The following PATJ variants were observed in gnomAD, a reference collection of about 807,000 sequenced individuals.
The protein encoded by PATJ is inaD-like protein.
In PATJ, 190 loss-of-function variants were observed where a neutral mutation model predicts 224.9. The ratio of observed to expected loss-of-function variants is 0.84; its 90% CI spans 0.75 to 0.95. PATJ has a LOEUF of 0.95. Ranked by LOEUF, PATJ falls within the 40% of genes least tolerant of loss-of-function variation. The probability of loss-of-function intolerance (pLI) is 0.00; values close to 1 mark genes in which losing one functional copy is unlikely to be tolerated. For synonymous variants in PATJ, 769 were observed against 820.3 expected (o/e 0.94, Z 1.07); for missense variants, 2,121 against 2,270.3 (o/e 0.93, Z 1.34).
chr1:62,133,658 C>T (rs913378291), intron 41 of PATJ, among the ~76,000 whole-genome samples: 20 of 151,934 alleles, frequency 1.3e-4, no homozygotes, highest in African/African-American at 3.6e-4. Flanking sequence ...AATGGTGCTT[C>T]TCAAACTTTA....
intron 28 of PATJ, among the ~76,000 whole-genome samples, chr1:61,999,388 T>C (rs746427759): frequency 2.0e-5 from 3 of 152,188 alleles, no homozygotes; most frequent in Non-Finnish European, 4.4e-5. Flanking sequence ...TATTTGTATA[T>C]TTTCTGCCCC....
intron 29 of PATJ, among the ~76,000 whole-genome samples, chr1:62,024,457 A>G (rs1371933952): frequency 2.0e-5 from 3 of 152,126 alleles, no homozygotes; most frequent in African/African-American, 7.2e-5. Flanking sequence ...TCCATTCCTT[A>G]ATATAATACC....
chr1:61,993,862 G>A (rs919982459), intron 28 of PATJ, among the ~76,000 whole-genome samples: 7 of 152,136 alleles, frequency 4.6e-5, no homozygotes, highest in Admixed American at 1.3e-4. Flanking sequence ...CTAGAGTCTA[G>A]AAGAACTCTG....
intron 11 of PATJ, among the ~76,000 whole-genome samples, chr1:61,801,125 T>C (rs1056816319): frequency 1.3e-5 from 2 of 152,190 alleles, no homozygotes; most frequent in African/African-American, 4.8e-5. Context: ...AAATAGTGTA[T>C]CTAGTTCTAG....
chr1:61,960,817 G>A (rs1164629343), intron 27 of PATJ, among the ~76,000 whole-genome samples: 1 of 151,988 alleles, frequency 6.6e-6, no homozygotes, highest in Non-Finnish European at 1.5e-5. Context: ...TTTTCTCAGT[G>A]CTCTTGGCTT....
chr1:61,899,079 G>T (rs1439880066), intron 22 of PATJ, among the ~76,000 whole-genome samples: 1 of 152,128 alleles, frequency 6.6e-6, no homozygotes, highest in African/African-American at 2.4e-5. Flanking sequence ...GATAATATAA[G>T]TAACTGAAAA....
chr1:62,158,475 T>G (rs1368788496), intron 43 of PATJ, among the ~76,000 whole-genome samples: 2 of 148,306 alleles, frequency 1.3e-5, no homozygotes, highest in African/African-American at 4.9e-5. Context: ...ATCCCAGCAC[T>G]TTGGGAGGCC....
rs542512839 is a variant in PATJ at position 62,056,973 on chromosome 1, T to C, written c.4125+5915T>C. Among the ~76,000 whole-genome samples, 4 of 152,226 alleles carry C rather than the reference T, an allele frequency of 2.6e-5. No homozygotes were observed. The East Asian group carries it at 7.8e-4, about 30-fold the overall frequency. On this transcript the variant is annotated intron_variant, in intron 31 of 43. Transcript: ENST00000642238. ...ACCTGAGTAGCTGGGAATACAGGCATGCGCCACCAGGCCCGGCTAATTTTT... is the reference window on the plus strand; with the variant it reads ...ACCTGAGTAGCTGGGAATACAGGCACGCGCCACCAGGCCCGGCTAATTTTT...
rs1440000791 is a variant in PATJ, at chr1:61,875,092, G to T, written c.2836-151G>T. On this transcript the variant is annotated intron_variant, in intron 20 of 43. Coordinates refer to ENST00000642238, the MANE Select transcript of PATJ (RefSeq NM_001350145.3). ...CTTGCAGATATTGTTACCAGCATTT[G>T]TTACTGCTTACCACAGTATAAACCA... 9 of 442,518 alleles carry T rather than the reference G, an allele frequency of 2.0e-5. No individual in the cohort carries two copies. In the South Asian group the frequency reaches 4.5e-4, roughly 22 times the overall value. 27.4% of individuals were successfully genotyped at this position (442,518 alleles called of 1,614,324 possible).
chr1:61,938,130 G>A (rs535367625), intron 27 of PATJ, among the ~76,000 whole-genome samples: 11 of 152,210 alleles, frequency 7.2e-5, no homozygotes, highest in Admixed American at 2.0e-4. Flanking sequence ...CAGCATCCCA[G>A]GCCTTTTCCC....
chr1:62,019,113 C>T (rs182839355), intron 29 of PATJ, among the ~76,000 whole-genome samples: 63 of 151,922 alleles, frequency 4.1e-4, no homozygotes, highest in Admixed American at 1.5e-3. Flanking sequence ...GGTGTGATGG[C>T]GCACAACTCT....
chr1:61,755,806 C>A (rs1318437605), intron 1 of PATJ, among the ~76,000 whole-genome samples: 1 of 152,076 alleles, frequency 6.6e-6, no homozygotes, highest in Admixed American at 6.6e-5. Flanking sequence ...GGCCACGTGT[C>A]TTTTTATTAT....
At chr1:61,863,359 C>A (rs980374253) in intron 19 of PATJ, among the ~76,000 whole-genome samples, 2 of 152,048 alleles carry the variant, frequency 1.3e-5, no homozygotes, top group African/African-American at 4.8e-5. Context: ...TTAAAAGCTT[C>A]ACTACAATGA....
intron 1 of PATJ, among the ~76,000 whole-genome samples, chr1:61,762,628 A>G (rs994764485): frequency 6.6e-6 from 1 of 152,190 alleles, no homozygotes; most frequent in African/African-American, 2.4e-5. Flanking sequence ...AGCAATGTAC[A>G]ATAATAGTTC....
intron 28 of PATJ, chr1:61,991,864 A>G: frequency 2.4e-6 from 1 of 410,854 alleles, no homozygotes; most frequent in Non-Finnish European, 3.3e-6. Flanking sequence ...AGTAAAAATG[A>G]TGAAAGTTAG....
chr1:61,998,022 TATA>T (rs1314398570), intron 28 of PATJ, among the ~76,000 whole-genome samples: 6 of 123,182 alleles, frequency 4.9e-5, no homozygotes, highest in African/African-American at 1.5e-4. Flanking sequence ...ATTAATTATA[TATA>T]ATATATTATA....
intron 4 of PATJ, among the ~76,000 whole-genome samples, chr1:61,768,505 A>G (rs1004288835): frequency 2.0e-5 from 3 of 152,166 alleles, no homozygotes; most frequent in African/African-American, 7.2e-5. Context: ...ATAGATATCA[A>G]TTAATCAACA....
chr1:61,970,005 A>G (rs1378732566), intron 27 of PATJ, among the ~76,000 whole-genome samples: 1 of 151,800 alleles, frequency 6.6e-6, no homozygotes, highest in Non-Finnish European at 1.5e-5. Flanking sequence ...TTGATTGTGT[A>G]CTTTGAACAA....
intron 26 of PATJ, 30 bp downstream of exon 26, chr1:61,914,694 A>T: frequency 7.1e-7 from 1 of 1,408,326 alleles, no homozygotes; most frequent in Non-Finnish European, 9.9e-7. Context: ...GATTTAAAAA[A>T]TGTTTTTGTT....
Sources: gnomAD v4.1 joint callset for allele counts (sites outside exome capture counted in the v4.1 genomes callset) on GRCh38, gnomAD v4.1.1 for gene constraint, MANE v1.5 for transcripts, NCBI Gene and HGNC (gene_info 2026-07-23, HGNC 2026-07-21) for gene names.